STXBP5L: variants seen among roughly 807,000 people sequenced by gnomAD.
STXBP5L encodes syntaxin-binding protein 5-like.
Under a neutral mutation model 144.5 loss-of-function variants are expected in STXBP5L, and 65 were observed. That is an observed-to-expected ratio of 0.45 (90% CI 0.37 to 0.55). The LOEUF (loss-of-function observed/expected upper bound fraction) is 0.55. Ranked by LOEUF, STXBP5L falls within the 20% of genes least tolerant of loss-of-function variation. STXBP5L has a pLI of 0.00. For synonymous variants in STXBP5L, 505 were observed against 469.6 expected (o/e 1.08, Z -0.97); for missense variants, 1,298 against 1,405.5 (o/e 0.92, Z 1.22).
At chr3:121,197,242 G>C (rs1417257071) in intron 9 of STXBP5L, among the ~76,000 whole-genome samples, 3 of 151,840 alleles carry the variant, frequency 2.0e-5, no homozygotes, top group Admixed American at 6.6e-5. Flanking sequence ...TTGTATCTTT[G>C]ATCAAAGCGT....
At chr3:121,011,962 C>G (rs771088593) in intron 3 of STXBP5L, among the ~76,000 whole-genome samples, 12 of 151,724 alleles carry the variant, frequency 7.9e-5, no homozygotes, top group African/African-American at 1.2e-4. Context: ...CAGTCACTTT[C>G]TATTTTCTAT....
At chr3:120,977,181 A>T (rs1034053940) in intron 3 of STXBP5L, among the ~76,000 whole-genome samples, 17 of 152,122 alleles carry the variant, frequency 1.1e-4, no homozygotes, top group African/African-American at 3.4e-4. Context: ...TGGGAGTCTA[A>T]GTCTCTTTGT....
intron 20 of STXBP5L, among the ~76,000 whole-genome samples, chr3:121,334,624 TC>T (rs1205838850): frequency 6.7e-6 from 1 of 149,408 alleles, no homozygotes; most frequent in Non-Finnish European, 1.5e-5. Flanking sequence ...CAGCAACACA[TC>T]AAAAAGCTAT....
chr3:121,103,680 T>C (rs6810337), intron 5 of STXBP5L, among the ~76,000 whole-genome samples: 15,091 of 152,088 alleles, frequency 0.099, 1,178 homozygotes, highest in Admixed American at 0.2. Flanking sequence ...AATAAACATA[T>C]ATGAATATAT....
At chr3:121,356,160 T>G (rs1028808758) in intron 20 of STXBP5L, among the ~76,000 whole-genome samples, 1 of 152,206 alleles carries the variant, frequency 6.6e-6, no homozygotes, top group African/African-American at 2.4e-5. Context: ...GCGACACACT[T>G]AGGAGGCAGC....
intron 3 of STXBP5L, among the ~76,000 whole-genome samples, chr3:120,999,295 T>A (rs575556595): frequency 6.6e-6 from 1 of 152,334 alleles, no homozygotes; most frequent in South Asian, 2.1e-4. Context: ...TGAAGTGATC[T>A]GCCTACCTTG....
chr3:121,240,285 GA>G (rs1287668078), intron 13 of STXBP5L, among the ~76,000 whole-genome samples, 154 bp from the exon 14 acceptor site: 3 of 152,264 alleles, frequency 2.0e-5, no homozygotes, highest in Non-Finnish European at 2.9e-5. Flanking sequence ...TTTGTTCAAT[GA>G]AAGAATTAAA....
intron 9 of STXBP5L, among the ~76,000 whole-genome samples, chr3:121,165,302 T>C (rs999711088): frequency 2.0e-5 from 3 of 152,214 alleles, no homozygotes; most frequent in East Asian, 1.9e-4. Context: ...ACCCACATTA[T>C]TGAAAGATGT....
chr3:120,992,349 G>T (rs1242103104), intron 3 of STXBP5L, among the ~76,000 whole-genome samples: 2 of 151,932 alleles, frequency 1.3e-5, no homozygotes, highest in Non-Finnish European at 2.9e-5. Context: ...AAACAACATT[G>T]TTTTTAATTA....
intron 3 of STXBP5L, among the ~76,000 whole-genome samples, chr3:120,995,751 T>A (rs1204975389): frequency 1.3e-5 from 2 of 152,154 alleles, no homozygotes; most frequent in East Asian, 3.8e-4. Flanking sequence ...TATCAGATAA[T>A]GTTATAACTG....
At chr3:121,205,369 A>T (rs1424112640) in intron 9 of STXBP5L, among the ~76,000 whole-genome samples, 1 of 152,188 alleles carries the variant, frequency 6.6e-6, no homozygotes, top group Non-Finnish European at 1.5e-5. Context: ...TAATCCTTTC[A>T]TCAGAAACCC....
intron 3 of STXBP5L, among the ~76,000 whole-genome samples, chr3:120,982,121 C>T (rs914498280): frequency 6.6e-6 from 1 of 152,180 alleles, no homozygotes; most frequent in South Asian, 2.1e-4. Context: ...TTGTGTTGTG[C>T]AGTTCAACCC....
At chr3:121,054,967 A>G (rs1948344068) in intron 5 of STXBP5L, among the ~76,000 whole-genome samples, 1 of 152,054 alleles carries the variant, frequency 6.6e-6, no homozygotes, top group Non-Finnish European at 1.5e-5. Context: ...CCTTTTATGG[A>G]CTTTTTGGGA....
chr3:121,188,079 T>C (rs1429404492), intron 9 of STXBP5L, among the ~76,000 whole-genome samples: 1 of 152,096 alleles, frequency 6.6e-6, no homozygotes, highest in Non-Finnish European at 1.5e-5. Context: ...TCCCACACAA[T>C]GTTAGTGGGA....
At chr3:121,079,358 G>A (rs2042158771) in intron 5 of STXBP5L, among the ~76,000 whole-genome samples, 1 of 152,222 alleles carries the variant, frequency 6.6e-6, no homozygotes, top group African/African-American at 2.4e-5. Context: ...TTGTGACACT[G>A]CAGCCATGCA....
chr3:121,248,026 G>A (rs1020854653), intron 14 of STXBP5L, among the ~76,000 whole-genome samples: 6 of 152,230 alleles, frequency 3.9e-5, no homozygotes, highest in Middle Eastern at 3.4e-3. Flanking sequence ...ACTGTTGTAC[G>A]ATGGTATCCT....
chr3:121,417,061 A>G (rs1274812702), intron 25 of STXBP5L, among the ~76,000 whole-genome samples: 4 of 152,182 alleles, frequency 2.6e-5, no homozygotes, highest in Admixed American at 2.0e-4. Flanking sequence ...AAGAAGCCAG[A>G]CAAAAAAAAG....
At chr3:120,926,938 T>C (rs1464599862) in intron 2 of STXBP5L, among the ~76,000 whole-genome samples, 3 of 30,278 alleles carry the variant, frequency 9.9e-5, no homozygotes, top group East Asian at 9.7e-4. Context: ...CTTTCCTTTC[T>C]TTTTTTTTTT....
chr3:120,921,481 T>C (rs1709356744), intron 2 of STXBP5L, among the ~76,000 whole-genome samples: 2 of 152,036 alleles, frequency 1.3e-5, no homozygotes, highest in Admixed American at 1.3e-4. Flanking sequence ...TTTAGCTTGA[T>C]GCAATCCCAT....
Sources: allele counts gnomAD v4.1 joint callset (sites outside exome capture counted in the v4.1 genomes callset), GRCh38; gene constraint gnomAD v4.1.1; transcripts MANE v1.5; gene names NCBI Gene and HGNC (gene_info 2026-07-23, HGNC 2026-07-21).